Variants in GRK1 observed in about 807,000 individuals in gnomAD.
GRK1 encodes the protein rhodopsin kinase GRK1.
GRK1 carries 28 observed loss-of-function variants against 41.7 expected under a neutral mutation model. The ratio of observed to expected loss-of-function variants is 0.67; its 90% CI spans 0.50 to 0.92. The LOEUF is 0.92. Among genes scored for constraint, GRK1 ranks in the 40% least tolerant of loss-of-function variants. GRK1 has a pLI of 0.00. For missense variants in GRK1, 703 were observed against 671.2 expected (o/e 1.05, Z -0.52); for synonymous variants, 327 against 286.7 (o/e 1.14, Z -1.42).
the GRK1 span, among the ~76,000 whole-genome samples, chr13:113,656,441 C>G: frequency 1.3e-5 from 2 of 152,200 alleles, no homozygotes; most frequent in East Asian, 3.9e-4. Context: ...CCCTGCCTCC[C>G]GGGTAGGAGC....
chr13:113,733,176 A>C, intron 6 of GRK1, 91 bp downstream of exon 6: 3 of 1,322,500 alleles, frequency 2.3e-6, no homozygotes, highest in Non-Finnish European at 3.1e-6. Context: ...GAGAGTCGGC[A>C]GGGAGGAGTG....
rs770418702 is a variant in GRK1 at position 113,667,475 on chromosome 13, C to T, written c.89C>T (p.Ser30Phe). 6.2e-7 allele frequency: 1 copy of T among 1,611,034 alleles called. No individual in the cohort carries two copies. The highest frequency in any genetic ancestry group is 1.1e-5 in the South Asian group (1 of 90,690). The change falls in exon 1 of 7, where the codon TCC becomes TTC. Residue 30 changes from serine (S) to phenylalanine (F), a missense_variant. Physicochemically the swap from Ser to Phe is radical, Grantham distance 155. Transcript: ENST00000335678. The surrounding 1 kb of genome is among the most constrained non-coding windows in gnomAD (Gnocchi z 7.5). ...TTTGACGGCAGCAGCTCCCAACCCT[C>T]CCGGGACAAGAAGTACCTGGCCAAG... ...GSFDGSSSQP[S>F]RDKKYLAKLK...
the GRK1 span, among the ~76,000 whole-genome samples, chr13:113,661,905 A>G: frequency 6.6e-6 from 1 of 152,254 alleles, no homozygotes; most frequent in Non-Finnish European, 1.5e-5. Context: ...AACACTTAAT[A>G]GAGAACACCA....
Position 113,730,601 on chromosome 13 carries a change from A to G in GRK1, c.1070-618A>G, listed in dbSNP as rs142970917. Among the ~76,000 whole-genome samples the G allele has an allele frequency of 9.7e-3, 1,472 of 152,294 alleles. 18 individuals carry two copies. Among genetic ancestry groups the G allele is most frequent in the African/African-American group, 0.031 (1,292 of 41,554 alleles). ...ATCCTGAGTCCCCGTGGCTGCGCCC[A>G]GAGCCGTCCCTCCATCCTGCCACAG... On this transcript the variant is annotated intron_variant, in intron 4 of 6. Transcript: ENST00000335678.
chr13:113,658,761 T>C, the GRK1 span, among the ~76,000 whole-genome samples: 1 of 152,234 alleles, frequency 6.6e-6, no homozygotes, highest in East Asian at 1.9e-4. Flanking sequence ...AGAGCAGCAA[T>C]AGCCTCTTAG....
rs546322679 is a variant in GRK1, at chr13:113,735,409, G to C, written c.*46G>C. On this transcript the variant is annotated 3_prime_UTR_variant, in exon 7 of 7. Coordinates refer to ENST00000335678, the MANE Select transcript of GRK1 (RefSeq NM_002929.3). ...TGGAGGAAAAGGACCCATACGGCTC[G>C]ATGGGGGCCGCCTGCCTCCGTGGTG... The C allele has an allele frequency of 1.2e-3, 1,660 of 1,432,216 alleles. 8 individuals carry two copies. Among genetic ancestry groups the C allele is most frequent in the Non-Finnish European group, 1.3e-3 (1,402 of 1,094,224 alleles). The allele number at this position is 1,432,216 out of a possible 1,614,324, so 88.7% of individuals were successfully genotyped here. A position where few individuals can be genotyped will look rare whatever the true frequency, so the allele number is the denominator to read the frequency against.
At chr13:113,733,905 GCATA>G (rs1333182923) in intron 6 of GRK1, among the ~76,000 whole-genome samples, 8 of 91,530 alleles carry the variant, frequency 8.7e-5, no homozygotes, top group South Asian at 5.8e-4. Flanking sequence ...GTGTATGTGT[GCATA>G]CAGTGTGCGT....
At chr13:113,732,807 T>A in intron 5 of GRK1, 77 bp from the exon 6 acceptor site, 1 of 1,465,036 alleles carries the variant, frequency 6.8e-7, no homozygotes, top group Non-Finnish European at 9.2e-7. Context: ...GTGGCTCTTG[T>A]GGGAGGAGCT....
At chr13:113,650,274 G>A in the GRK1 span, 16 of 812,526 alleles carry the variant, frequency 2.0e-5, no homozygotes, top group African/African-American at 6.8e-5. The surrounding 1 kb of genome is among the most constrained non-coding windows in gnomAD (Gnocchi z 5.0). Flanking sequence ...CACGCAGAAC[G>A]TTCCAGTCAG....
Position 113,734,717 on chromosome 13 carries a change from C to A in GRK1, c.1397-351C>A, listed in dbSNP as rs2049989991. 1.5e-5 allele frequency: 3 copies of A among 193,854 alleles called. No homozygotes were observed. In the South Asian group the frequency reaches 5.0e-4, roughly 32 times the overall value. The allele number at this position is 193,854 out of a possible 1,614,324, so 12.0% of individuals were successfully genotyped here. ...GGAGGCCCTGGTGGGGATGGGGCCC[C>A]AGGGGAAGGCGTGTTCGGGGAGGAG... On this transcript the variant is annotated intron_variant, in intron 6 of 6. Transcript: ENST00000335678.
rs559670715 is a variant in GRK1, at chr13:113,724,419, G to A, written c.1069+1262G>A. 7.9e-5 allele frequency among the ~76,000 whole-genome samples: 12 copies of A among 152,354 alleles called. No homozygotes were observed. In the South Asian group the frequency reaches 2.5e-3, roughly 32 times the overall value. ...GTTGTTTTGGCTGTGGGGAGGCAGT[G>A]CTGTCGCCTGATGGGGTTTGTGTGC... On this transcript the variant is annotated intron_variant, in intron 4 of 6. Coordinates refer to ENST00000335678, the MANE Select transcript of GRK1 (RefSeq NM_002929.3).
rs1330649265 is a variant in GRK1 at position 113,735,924 on chromosome 13, C to T, written c.*561C>T. The T allele has an allele frequency of 6.6e-6, 1 of 152,392 alleles. No individual in the cohort carries two copies. Among genetic ancestry groups the T allele is most frequent in the East Asian group, 1.9e-4 (1 of 5,168 alleles). The allele number at this position is 152,392 out of a possible 1,614,324, so 9.4% of individuals were successfully genotyped here. On this transcript the variant is annotated 3_prime_UTR_variant, in exon 7 of 7. Coordinates refer to ENST00000335678, the MANE Select transcript of GRK1 (RefSeq NM_002929.3). ...GGGCCCTGTGCTGGTGGCCTGCACG[C>T]CACATGGTCCCCTGCACCCTGCGGC...
Position 113,669,828 on chromosome 13 carries a change from C to G in GRK1, c.827+14C>G, listed in dbSNP as rs747818930. On this transcript the variant is annotated intron_variant, in intron 2 of 6. Transcript: ENST00000335678. ...AGGTGACATCAGGTAAGGGCTGGGC[C>G]AGAGGGCACGAGGGGGCCCCGCTGT... 3.1e-5 allele frequency: 50 copies of G among 1,613,460 alleles called. 1 individual carries two copies. Among genetic ancestry groups the G allele is most frequent in the Non-Finnish European group, 4.0e-5 (47 of 1,179,666 alleles).
rs1455877587 is a variant in GRK1 at position 113,733,640 on chromosome 13, T to C, written c.1396+555T>C. Among the ~76,000 whole-genome samples, 11 of 144,124 alleles carry C rather than the reference T, an allele frequency of 7.6e-5. 1 individual carries two copies. The East Asian group carries it at 1.7e-3, about 22-fold the overall frequency. 94.6% of individuals were successfully genotyped at this position (144,124 alleles called of 152,430 possible). A position where few individuals can be genotyped will look rare whatever the true frequency, so the allele number is the denominator to read the frequency against. ...GTGTGTGCATACGTGTGTGCTCATG[T>C]ATGTGTGCATACGTGTGTGTGCGTG... On this transcript the variant is annotated intron_variant, in intron 6 of 6. Transcript: ENST00000335678.
In GRK1 at chr13:113,671,136, A is replaced by T. The variant is rs1035187871; in HGVS notation, c.828-363A>T. Among the ~76,000 whole-genome samples, 1 of 152,224 alleles carries T rather than the reference A, an allele frequency of 6.6e-6. No individual in the cohort carries two copies. Among genetic ancestry groups the T allele is most frequent in the Admixed American group, 6.5e-5 (1 of 15,286 alleles). On this transcript the variant is annotated intron_variant, in intron 2 of 6. Coordinates refer to ENST00000335678, the MANE Select transcript of GRK1 (RefSeq NM_002929.3). This position sits in a 1 kb window ranked among gnomAD's most constrained non-coding sequence, Gnocchi z 4.1. ...AGAAACACCTTACTGCAAATCTTTC[A>T]TGAGTCTGATGAACTTGGGGCCTGC...
chr13:113,668,217 C>A, intron 1 of GRK1, 132 bp downstream of exon 1: 1 of 954,664 alleles, frequency 1.0e-6, no homozygotes, highest in Non-Finnish European at 1.5e-6. Flanking sequence ...AGCATGCATG[C>A]CAGCCTCGCC....
rs1288419598 is a variant in GRK1 at position 113,733,679 on chromosome 13, G to T, written c.1396+594G>T. On this transcript the variant is annotated intron_variant, in intron 6 of 6. Coordinates refer to ENST00000335678, the MANE Select transcript of GRK1 (RefSeq NM_002929.3). ...TGTGTGTGCGTGTGTGCACGTGTGT[G>T]CATGTATGTGTGCATACATGTGTGC... Among the ~76,000 whole-genome samples the T allele has an allele frequency of 2.8e-5, 4 of 143,932 alleles. 1 individual carries two copies. Among genetic ancestry groups the T allele is most frequent in the Non-Finnish European group, 3.1e-5 (2 of 65,228 alleles). 94.4% of individuals were successfully genotyped at this position (143,932 alleles called of 152,430 possible).
intron 2 of GRK1, among the ~76,000 whole-genome samples, chr13:113,670,132 G>C (rs1341379658): frequency 1.3e-5 from 2 of 152,160 alleles, no homozygotes; most frequent in Non-Finnish European, 2.9e-5. Flanking sequence ...CTGCAGGGCT[G>C]AGGGCCTTGC....
chr13:113,671,741 G>A lies in GRK1; in HGVS notation c.985+85G>A, dbSNP rs946947382. 1.9e-5 allele frequency: 13 copies of A among 693,728 alleles called. No homozygotes were observed. The highest frequency in any genetic ancestry group is 2.9e-5 in the Non-Finnish European group (11 of 380,064). The allele number at this position is 693,728 out of a possible 1,614,324, so 43.0% of individuals were successfully genotyped here. A position where few individuals can be genotyped will look rare whatever the true frequency, so the allele number is the denominator to read the frequency against. ...CTTGGGGGTCTCTGCACAACCTCAC[G>A]AGGGCTGACGGCTGTGTGGACGGTG... On this transcript the variant is annotated intron_variant, in intron 3 of 6. Coordinates refer to ENST00000335678, the MANE Select transcript of GRK1 (RefSeq NM_002929.3). The surrounding 1 kb of genome is among the most constrained non-coding windows in gnomAD (Gnocchi z 4.1).
Sources: gnomAD v4.1 joint callset for allele counts (sites outside exome capture counted in the v4.1 genomes callset) on GRCh38, gnomAD v4.1.1 for gene constraint, Gnocchi (gnomAD v3.1) non-coding constraint, MANE v1.5 for transcripts, NCBI Gene and HGNC (gene_info 2026-07-23, HGNC 2026-07-21) for gene names.